The following GRID2 variants were observed in gnomAD, a reference collection of about 807,000 sequenced individuals.
GRID2 encodes the protein glutamate ionotropic receptor delta type subunit 2, also known as glutamate receptor ionotropic, delta-2.
In GRID2, 33 loss-of-function variants were observed where a neutral mutation model predicts 114.8. The ratio of observed to expected loss-of-function variants is 0.29; its 90% CI spans 0.22 to 0.38. GRID2 has a LOEUF of 0.38. Among genes scored for constraint, GRID2 ranks in the 10% least tolerant of loss-of-function variants. The probability of loss-of-function intolerance (pLI) is 1.00; values close to 1 mark genes in which losing one functional copy is unlikely to be tolerated. For synonymous variants in GRID2, 505 were observed against 449.9 expected, an observed-to-expected ratio of 1.12 and a Z score of -1.55; for missense variants, 1,184 against 1,257.7, an observed-to-expected ratio of 0.94 and a Z score of 0.89.
chr4:92,364,683 G>GT (rs1728768008), intron 1 of GRID2, among the ~76,000 whole-genome samples: 2 of 151,910 alleles, frequency 1.3e-5, no homozygotes. Flanking sequence ...GTAGAGAGTA[G>GT]TTTTTTGTGG....
intron 8 of GRID2, among the ~76,000 whole-genome samples, chr4:93,249,890 G>T (rs938228680): frequency 2.0e-5 from 3 of 152,138 alleles, no homozygotes; most frequent in African/African-American, 7.2e-5. Flanking sequence ...CTTTTACACT[G>T]TTGGTGGGAG....
intron 13 of GRID2, among the ~76,000 whole-genome samples, chr4:93,583,920 AC>A (rs1476330933): frequency 4.6e-5 from 7 of 152,214 alleles, no homozygotes; most frequent in African/African-American, 1.7e-4. Context: ...AAAAGAGAAA[AC>A]AAACCAATGA....
chr4:92,968,346 A>G (rs1268020112), intron 2 of GRID2, among the ~76,000 whole-genome samples: 1 of 151,896 alleles, frequency 6.6e-6, no homozygotes, highest in African/African-American at 2.4e-5. Context: ...TTGTTGAGAG[A>G]CACAGTTCCC....
chr4:92,373,531 C>T (rs1442646491), intron 1 of GRID2, among the ~76,000 whole-genome samples: 2 of 152,170 alleles, frequency 1.3e-5, no homozygotes, highest in Non-Finnish European at 2.9e-5. Flanking sequence ...GCAAATACTT[C>T]TAACTACAAA....
intron 14 of GRID2, among the ~76,000 whole-genome samples, chr4:93,709,846 C>A (rs1265210879): frequency 1.3e-5 from 2 of 152,094 alleles, no homozygotes; most frequent in Non-Finnish European, 2.9e-5. Flanking sequence ...TTGATCAATT[C>A]TACTGTTAAG....
At chr4:92,940,655 A>G (rs1305260258) in intron 2 of GRID2, among the ~76,000 whole-genome samples, 2 of 152,106 alleles carry the variant, frequency 1.3e-5, no homozygotes, top group Non-Finnish European at 2.9e-5. Flanking sequence ...CAGTTTTCAA[A>G]GGGAATGCTT....
intron 2 of GRID2, among the ~76,000 whole-genome samples, chr4:92,897,031 C>T (rs910116887): frequency 3.9e-5 from 6 of 152,068 alleles, no homozygotes; most frequent in Non-Finnish European, 5.9e-5. Flanking sequence ...TGTGAACCAC[C>T]GCGCCCAGCC....
chr4:93,488,572 A>G (rs1726643622), intron 11 of GRID2, among the ~76,000 whole-genome samples: 1 of 151,982 alleles, frequency 6.6e-6, no homozygotes, highest in African/African-American at 2.4e-5. Flanking sequence ...CTTTATTTCC[A>G]CCGTGAGTAT....
At chr4:92,867,509 G>C (rs778791600) in intron 2 of GRID2, among the ~76,000 whole-genome samples, 3 of 151,672 alleles carry the variant, frequency 2.0e-5, no homozygotes, top group Admixed American at 6.6e-5. Flanking sequence ...GAGTACTCCA[G>C]TCAGTCAAAA....
chr4:93,118,401 A>G (rs1334621318), intron 4 of GRID2, among the ~76,000 whole-genome samples: 7 of 152,180 alleles, frequency 4.6e-5, no homozygotes, highest in Non-Finnish European at 1.0e-4. Flanking sequence ...ATGATAAGGG[A>G]CGTTTAAGAC....
Position 92,490,886 on chromosome 4 carries a change from G to GT in GRID2, c.89-99244dup, listed in dbSNP as rs534250094. On this transcript the variant is annotated intron_variant, in intron 1 of 15. Coordinates refer to ENST00000282020, the MANE Select transcript of GRID2 (RefSeq NM_001510.4). ...TGATGCCTGTTTTGCATCATTAACC[G>GT]TAAGTGTTCACATTGAGAAATCCAT... 7.5e-4 allele frequency among the ~76,000 whole-genome samples: 114 copies of GT among 152,042 alleles called. 1 individual carries two copies. The highest frequency in any genetic ancestry group is 9.7e-4 in the Non-Finnish European group (66 of 67,980).
At chr4:93,357,388 T>TA (rs1363662526) in intron 8 of GRID2, among the ~76,000 whole-genome samples, 4 of 151,664 alleles carry the variant, frequency 2.6e-5, no homozygotes, top group South Asian at 2.1e-4. Flanking sequence ...CTCCATGAAT[T>TA]AAAAAATATT....
intron 14 of GRID2, among the ~76,000 whole-genome samples, chr4:93,716,852 A>ATT (rs1728943759): frequency 6.6e-6 from 1 of 152,132 alleles, no homozygotes; most frequent in Non-Finnish European, 1.5e-5. Flanking sequence ...ACAGAACTTT[A>ATT]TAAATGTATT....
At chr4:92,932,013 C>G (rs1170825094) in intron 2 of GRID2, among the ~76,000 whole-genome samples, 3 of 151,040 alleles carry the variant, frequency 2.0e-5, no homozygotes, top group Non-Finnish European at 3.0e-5. Flanking sequence ...AACTGTAAAT[C>G]TTCTCAATTT....
chr4:92,739,986 ACT>A lies in GRID2; in HGVS notation c.244+149701_244+149702del, dbSNP rs1161561731. Among the ~76,000 whole-genome samples, 3 of 152,182 alleles carry A rather than the reference ACT, an allele frequency of 2.0e-5. No homozygotes were observed. In the East Asian group the frequency reaches 5.8e-4, roughly 29 times the overall value. ...CATAATCTCATTATAGAAGGATATT[ACT>A]ATCCTTATATTCTTTTAAAAGTTGA... On this transcript the variant is annotated intron_variant, in intron 2 of 15. Coordinates refer to ENST00000282020, the MANE Select transcript of GRID2 (RefSeq NM_001510.4).
At chr4:93,059,559 T>A (rs1727579148) in intron 2 of GRID2, among the ~76,000 whole-genome samples, 1 of 152,120 alleles carries the variant, frequency 6.6e-6, no homozygotes, top group African/African-American at 2.4e-5. Context: ...CTGGACTAAT[T>A]GTTGAATCAA....
chr4:93,238,457 C>T lies in GRID2; in HGVS notation c.1212C>T (p.Asn404=). 6.2e-7 allele frequency: 1 copy of T among 1,609,934 alleles called. No homozygotes were observed. ...PNVHFEILGT[N]YGEELGRGVR... ...TCCACTTTGAAATCCTTGGAACCAA[C>T]TATGGAGAAGAGCTTGGCAGAGGTG... The change falls in exon 8 of 16, where the codon AAC becomes AAT. Residue 404 remains asparagine, a synonymous_variant. Coordinates refer to ENST00000282020, the MANE Select transcript of GRID2 (RefSeq NM_001510.4).
chr4:92,600,836 C>G (rs2149219303), intron 2 of GRID2, among the ~76,000 whole-genome samples: 1 of 152,334 alleles, frequency 6.6e-6, no homozygotes, highest in African/African-American at 2.4e-5. Flanking sequence ...CTGGTGACCC[C>G]TGTTGGAGAG....
At chr4:92,620,065 A>C (rs547767975) in intron 2 of GRID2, among the ~76,000 whole-genome samples, 1 of 151,908 alleles carries the variant, frequency 6.6e-6, no homozygotes, top group Admixed American at 6.6e-5. Context: ...TTATGGGTAG[A>C]TAACAGCCAA....
Sources: allele counts gnomAD v4.1 joint callset (sites outside exome capture counted in the v4.1 genomes callset), GRCh38; gene constraint gnomAD v4.1.1; transcripts MANE v1.5; gene names NCBI Gene and HGNC (gene_info 2026-07-23, HGNC 2026-07-21).